The following RBM12 variants were observed in gnomAD, a reference collection of about 807,000 sequenced individuals.
The protein encoded by RBM12 is RNA-binding protein 12.
Under a neutral mutation model 37.2 loss-of-function variants are expected in RBM12, and 24 were observed. The ratio of observed to expected loss-of-function variants is 0.65; its 90% CI spans 0.47 to 0.91. RBM12 has a LOEUF of 0.91. Ranked by LOEUF, RBM12 falls within the 40% of genes least tolerant of loss-of-function variation. The probability of loss-of-function intolerance (pLI) is 0.00; values close to 1 mark genes in which losing one functional copy is unlikely to be tolerated. For synonymous variants in RBM12, 420 were observed against 425.2 expected (o/e 0.99, Z 0.15); for missense variants, 1,061 against 1,183.2 (o/e 0.90, Z 1.52).
rs775377589 is a variant in RBM12 at position 35,653,447 on chromosome 20, C to T, written c.1876G>A (p.Glu626Lys). 1 of 1,614,116 alleles carries T rather than the reference C, an allele frequency of 6.2e-7. No individual in the cohort carries two copies. Among genetic ancestry groups the T allele is most frequent in the South Asian group, 1.1e-5 (1 of 91,084 alleles). ...VHVVTLEDMREIEKNPPAQGK... is the reference protein window; with the variant it reads ...VHVVTLEDMRKIEKNPPAQGK... ...TGGGCAGGGGGATTTTTCTCAATCT[C>T]TCTCATATCTTCTAGGGTAACTACA... Residue 626 changes from glutamate to lysine, a missense_variant, in exon 3 of 3, where the codon GAG becomes AAG. Coordinates refer to ENST00000374114, the MANE Select transcript of RBM12 (RefSeq NM_006047.6).
At chr20:35,664,268 T>G (rs2034407826) in intron 1 of RBM12, 2 of 152,298 alleles carry the variant, frequency 1.3e-5, no homozygotes, top group African/African-American at 4.8e-5. Context: ...TCCCCACAGG[T>G]GTGACCTGGG....
chr20:35,652,904 T>A lies in RBM12; in HGVS notation c.2419A>T (p.Ser807Cys), dbSNP rs543572362. The change falls in exon 3 of 3, where the codon AGT (serine) becomes TGT (cysteine). Residue 807 changes from serine (S) to cysteine (C), a missense_variant. By Grantham distance (112) the Ser-to-Cys change is moderately radical. Transcript: ENST00000374114. ...GSLGGPPGFGSGPPGLGSAPG... is the reference protein window; with the variant it reads ...GSLGGPPGFGCGPPGLGSAPG... ...GCACTTCCAAGACCAGGAGGGCCAC[T>A]TCCAAACCCCGGGGGACCGCCTAAG... 8 of 1,613,712 alleles carry A rather than the reference T, an allele frequency of 5.0e-6. No individual in the cohort carries two copies. The African/African-American group carries it at 1.1e-4, about 22-fold the overall frequency.
chr20:35,661,220 T>C (rs979897557), intron 1 of RBM12, among the ~76,000 whole-genome samples: 11 of 152,176 alleles, frequency 7.2e-5, no homozygotes, highest in Admixed American at 2.6e-4. Flanking sequence ...TAAATGGAAA[T>C]AGAACTGAAA....
Position 35,652,830 on chromosome 20 carries a change from G to A in RBM12, c.2493C>T (p.Pro831=), listed in dbSNP as rs560955830. The A allele has an allele frequency of 6.9e-6, 11 of 1,604,004 alleles. No individual in the cohort carries two copies. Among genetic ancestry groups the A allele is most frequent in the East Asian group, 4.5e-5 (2 of 44,810 alleles). ...TATGGATTGGGCCAGGGCCGGGGCC[G>A]GGGCCGGGGCCAGGCCCAAAAGCTG... ...GPPAFGPGPG[P]GPGPGPIHIG... The change falls in exon 3 of 3, where the codon CCC becomes CCT. Residue 831 remains proline (P), a synonymous_variant. Transcript: ENST00000374114.
chr20:35,663,894 C>G (rs1168991956), intron 1 of RBM12, among the ~76,000 whole-genome samples: 2 of 152,194 alleles, frequency 1.3e-5, no homozygotes, highest in Non-Finnish European at 2.9e-5. Context: ...ACTCAATTAA[C>G]TCTCCATCAA....
intron 1 of RBM12, among the ~76,000 whole-genome samples, chr20:35,661,422 A>G (rs1051855474): frequency 1.3e-5 from 2 of 152,240 alleles, no homozygotes; most frequent in Non-Finnish European, 2.9e-5. Context: ...ATAACTAAAC[A>G]ATAAAACATC....
Position 35,658,956 on chromosome 20 carries a change from TAAC to T in RBM12, c.-52_-50del. 1 of 717,254 alleles carries T rather than the reference TAAC, an allele frequency of 1.4e-6. No homozygotes were observed. Among genetic ancestry groups the T allele is most frequent in the Non-Finnish European group, 2.6e-6 (1 of 385,012 alleles). 44.4% of individuals were successfully genotyped at this position (717,254 alleles called of 1,614,324 possible). The stretch of plus-strand genomic sequence containing the variant: ...TGATAAAACAAGAGATGAATTTCCT[TAAC>T]AAGAAGTAGAGGCCAAGTCAATCCT... On this transcript the variant is annotated 5_prime_UTR_variant, in exon 2 of 3. Transcript: ENST00000374114.
chr20:35,658,048 AAAAG>A (rs1455933134), intron 2 of RBM12, among the ~76,000 whole-genome samples: 3 of 152,056 alleles, frequency 2.0e-5, no homozygotes, highest in Non-Finnish European at 4.4e-5. Context: ...CTCTGTCTCA[AAAAG>A]AAATAAATAA....
chr20:35,657,499 A>C (rs1000897702), intron 2 of RBM12, among the ~76,000 whole-genome samples: 1 of 152,218 alleles, frequency 6.6e-6, no homozygotes, highest in African/African-American at 2.4e-5. Flanking sequence ...GCACTGGGAC[A>C]ATCAAACAGA....
Position 35,655,181 on chromosome 20 carries a change from C to G in RBM12, c.142G>C (p.Ala48Pro), listed in dbSNP as rs2033823111. ...GELGEAFIVF[A>P]TDEDARLGMM... Reference sequence around the variant, plus strand: ...CCAAGCCTTGCATCTTCATCAGTGGCAAAAACGATGAAAGCCTCACCCAGT... The same window carrying G: ...CCAAGCCTTGCATCTTCATCAGTGGGAAAAACGATGAAAGCCTCACCCAGT... The change falls in exon 3 of 3, where the codon GCC becomes CCC. Residue 48 changes from alanine to proline, a missense_variant. Ala to Pro is a conservative substitution (Grantham distance 27). Transcript: ENST00000374114. 6.2e-7 allele frequency: 1 copy of G among 1,614,042 alleles called. No homozygotes were observed. Among genetic ancestry groups the G allele is most frequent in the Non-Finnish European group, 8.5e-7 (1 of 1,180,028 alleles).
chr20:35,654,975 C>CCTG lies in RBM12; in HGVS notation c.345_347dup (p.Ser115dup). On this transcript the variant is annotated inframe_insertion, in exon 3 of 3. Coordinates refer to ENST00000374114, the MANE Select transcript of RBM12 (RefSeq NM_006047.6). ...TGGATACTGTTGTGGGCAAGTTTAC[C>CCTG]CTGCTACTCATTCCTGAGCTAGGTG... 6.2e-7 allele frequency: 1 copy of CCTG among 1,614,090 alleles called. No homozygotes were observed. The highest frequency in any genetic ancestry group is 8.5e-7 in the Non-Finnish European group (1 of 1,179,998).
chr20:35,653,327 C>G lies in RBM12; in HGVS notation c.1996G>C (p.Gly666Arg). Residue 666 changes from glycine to arginine, a missense_variant, in exon 3 of 3, where the codon GGA (glycine) becomes CGA (arginine). Gly to Arg is a moderately radical substitution (Grantham distance 125, BLOSUM62 -2). Transcript: ENST00000374114. ...CTGGGCAGGCCTGCACCGGGAAGTC[C>G]TGCACTGGGCAGTCCCACACCGGGC... ...GLPGVGLPSA[G>R]LPGAGLPSTG... is the part of the protein sequence containing the mutation. 1 of 1,613,998 alleles carries G rather than the reference C, an allele frequency of 6.2e-7. No homozygotes were observed. Among genetic ancestry groups the G allele is most frequent in the Non-Finnish European group, 8.5e-7 (1 of 1,179,970 alleles).
At position 35,653,412 on chromosome 20, in the gene RBM12, C is replaced by G; in HGVS notation, c.1911G>C (p.Lys637Asn). 6.2e-7 allele frequency: 1 copy of G among 1,614,092 alleles called. No individual in the cohort carries two copies. The highest frequency in any genetic ancestry group is 8.5e-7 in the Non-Finnish European group (1 of 1,179,984). The part of the protein sequence containing the change: ...IEKNPPAQGK[K>N]GLKMPVPGNP... ...TACCTGGCACAGGCATCTTTAATCCCTTTTTTCCTTGGGCAGGGGGATTTT... is the reference window on the plus strand; with the variant it reads ...TACCTGGCACAGGCATCTTTAATCCGTTTTTTCCTTGGGCAGGGGGATTTT... Residue 637 changes from lysine (K) to asparagine (N), a missense_variant, in exon 3 of 3, where the codon AAG (lysine) becomes AAC (asparagine). Around this residue, in one of 3 missense-constraint regions of RBM12, gnomAD observed 517 missense variants for 534.0 expected, o/e 0.97. Transcript: ENST00000374114.
intron 2 of RBM12, among the ~76,000 whole-genome samples, chr20:35,656,296 C>G (rs761968985): frequency 1.5e-4 from 23 of 152,336 alleles, no homozygotes; most frequent in Non-Finnish European, 2.8e-4. Context: ...TGGACCTACA[C>G]AACTCCTACA....
In RBM12 at chr20:35,651,803, A is replaced by G. The variant is rs2146340397; in HGVS notation, c.*721T>C. The stretch of plus-strand genomic sequence containing the variant: ...GACTCCATAGTTTATTTTTATGGCA[A>G]AAGTCTTATTCCACACAGTTTTAAG... On this transcript the variant is annotated 3_prime_UTR_variant, in exon 3 of 3. Transcript: ENST00000374114. 1 of 152,794 alleles carries G rather than the reference A, an allele frequency of 6.5e-6. No homozygotes were observed. The highest frequency in any genetic ancestry group is 3.4e-3 in the Middle Eastern group (1 of 294). The allele number at this position is 152,794 out of a possible 1,614,324, so 9.5% of individuals were successfully genotyped here. A position where few individuals can be genotyped will look rare whatever the true frequency, so the allele number is the denominator to read the frequency against.
chr20:35,655,366 G>A (rs1273690120), intron 2 of RBM12, 22 bp from the exon 3 acceptor site: 10 of 1,555,598 alleles, frequency 6.4e-6, no homozygotes, highest in South Asian at 2.4e-5. Flanking sequence ...AAAAGGCAAC[G>A]GCCAGGTCAG....
At position 35,648,931 on chromosome 20, in the gene RBM12, T is replaced by TA. The variant is rs1361484994; in HGVS notation, c.*3592dup. ...GCTCAGTAAAGTACTTTTGTGCAGTTAAAGCATTAAAAGCATCAGCCTGTT... is the reference window on the plus strand; with the variant it reads ...GCTCAGTAAAGTACTTTTGTGCAGTTAAAAGCATTAAAAGCATCAGCCTGTT... On this transcript the variant is annotated 3_prime_UTR_variant, in exon 3 of 3. Coordinates refer to ENST00000374114, the MANE Select transcript of RBM12 (RefSeq NM_006047.6). 9 of 152,668 alleles carry TA rather than the reference T, an allele frequency of 5.9e-5. No individual in the cohort carries two copies. The highest frequency in any genetic ancestry group is 8.8e-5 in the Non-Finnish European group (6 of 68,034). The allele number at this position is 152,668 out of a possible 1,614,324, so 9.5% of individuals were successfully genotyped here.
Position 35,654,913 on chromosome 20 carries a change from G to A in RBM12, c.410C>T (p.Thr137Ile). The A allele has an allele frequency of 6.2e-7, 1 of 1,614,166 alleles. No individual in the cohort carries two copies. Among genetic ancestry groups the A allele is most frequent in the Non-Finnish European group, 8.5e-7 (1 of 1,180,000 alleles). Residue 137 changes from threonine to isoleucine, a missense_variant, in exon 3 of 3, where the codon ACC becomes ATC. Physicochemically the swap from Thr to Ile is moderately conservative, Grantham distance 89. This residue lies in a region of RBM12 where 540 missense variants were observed against 632.7 expected (regional missense o/e 0.85). Transcript: ENST00000374114. ...NNPSPSVVTA[T>I]TSVHESNKNI... ...TTTGTTGCTTTCATGAACAGAAGTG[G>A]TGGCAGTAACTACACTGGGTGATGG...
chr20:35,656,033 A>G (rs1284315570), intron 2 of RBM12, among the ~76,000 whole-genome samples: 1 of 152,220 alleles, frequency 6.6e-6, no homozygotes, highest in Non-Finnish European at 1.5e-5. Context: ...TAAGAAGCCA[A>G]AAGAACTACT....
Sources: gnomAD v4.1 joint callset for allele counts (sites outside exome capture counted in the v4.1 genomes callset) on GRCh38, gnomAD v4.1.1 for gene constraint, gnomAD v4.1.1 regional missense constraint, MANE v1.5 for transcripts, NCBI Gene and HGNC (gene_info 2026-07-23, HGNC 2026-07-21) for gene names.